The following TP73 variants were observed in gnomAD, a reference collection of about 807,000 sequenced individuals.
TP73 encodes tumor protein p73, also known as p53-like transcription factor.
In TP73, 25 loss-of-function variants were observed where a neutral mutation model predicts 62.5. That is an observed-to-expected ratio of 0.40 (90% confidence interval 0.29 to 0.56). The LOEUF is 0.56. TP73 is among the 20% of genes least tolerant of loss of function. The pLI is 0.46. For missense variants in TP73, 754 were observed against 913.3 expected (o/e 0.83, Z 2.25); for synonymous variants, 423 against 377.5 (o/e 1.12, Z -1.40).
At chr1:3,669,428 A>G (rs990350520) in intron 1 of TP73, among the ~76,000 whole-genome samples, 11 of 152,210 alleles carry the variant, frequency 7.2e-5, no homozygotes, top group Non-Finnish European at 1.6e-4. Flanking sequence ...TGACCCTAGG[A>G]TCGGGGGCAG....
intron 3 of TP73, among the ~76,000 whole-genome samples, chr1:3,689,785 G>A (rs896240763): frequency 6.6e-5 from 10 of 152,230 alleles, no homozygotes; most frequent in Non-Finnish European, 1.2e-4. Flanking sequence ...GCCCTCGTGA[G>A]AGCCACGGCG....
Position 3,674,989 on chromosome 1 carries a change from G to A in TP73, c.-33-7344G>A, listed in dbSNP as rs185632396. On this transcript the variant is annotated intron_variant, in intron 1 of 13. Coordinates refer to ENST00000378295, the MANE Select transcript of TP73 (RefSeq NM_005427.4). ...GAAAAGGGCACAAGGGGATTGAGAC[G>A]GTCTCCTCCCACAATGGCCCAGGTG... is the stretch of plus-strand genomic sequence containing the variant. Among the ~76,000 whole-genome samples the A allele has an allele frequency of 4.6e-5, 7 of 152,066 alleles. No individual in the cohort carries two copies. In the East Asian group the frequency reaches 7.8e-4, roughly 17 times the overall value.
At position 3,696,944 on chromosome 1, in the gene TP73, A is replaced by G. The variant is rs1570490420; in HGVS notation, c.187-10605A>G. On this transcript the variant is annotated intron_variant, in intron 3 of 13. Transcript: ENST00000378295. The surrounding 1 kb of genome is among the most constrained non-coding windows in gnomAD (Gnocchi z 4.1). ...TTCTGTCTCCTTTGTTCTGTCCCCC[A>G]TTGGACCTCCCCCCAGTCACCAGCC... Among the ~76,000 whole-genome samples, 2 of 151,668 alleles carry G rather than the reference A, an allele frequency of 1.3e-5. No homozygotes were observed. The highest frequency in any genetic ancestry group is 3.9e-4 in the East Asian group (2 of 5,116).
chr1:3,723,513 G>A, intron 6 of TP73, 44 bp downstream of exon 6: 5 of 1,298,858 alleles, frequency 3.8e-6, no homozygotes, highest in Non-Finnish European at 5.5e-6. Context: ...GCAGTCAGCT[G>A]TACGGGTCGG....
At chr1:3,674,435 G>A (rs1645314696) in intron 1 of TP73, among the ~76,000 whole-genome samples, 1 of 152,242 alleles carries the variant, frequency 6.6e-6, no homozygotes, top group Non-Finnish European at 1.5e-5. Context: ...GGGGAGTGGG[G>A]CAGCAGGCGT....
intron 3 of TP73, chr1:3,690,882 T>C: frequency 6.4e-7 from 1 of 1,568,250 alleles, no homozygotes; most frequent in Non-Finnish European, 8.6e-7. Flanking sequence ...TTCCCTGGCG[T>C]GTGCAGACCC....
In TP73 at chr1:3,682,399, G is replaced by T. The variant is rs755178747; in HGVS notation, c.34G>T (p.Gly12Cys). Residue 12 changes from glycine (G) to cysteine (C), a missense_variant, in exon 2 of 14, where the codon GGC becomes TGC. Transcript: ENST00000378295. ...GTCCACCGCCACCTCCCCTGATGGG[G>T]GCACCACGTTTGAGCACCTCTGGAG... is the stretch of plus-strand genomic sequence containing the variant. ...AQSTATSPDG[G>C]TTFEHLWSSL... 1.3e-6 allele frequency: 2 copies of T among 1,565,702 alleles called. No individual in the cohort carries two copies. The highest frequency in any genetic ancestry group is 2.3e-5 in the East Asian group (1 of 42,710).
At chr1:3,721,056 G>A (rs1641029124) in intron 4 of TP73, among the ~76,000 whole-genome samples, 1 of 152,238 alleles carries the variant, frequency 6.6e-6, no homozygotes, top group Non-Finnish European at 1.5e-5. Context: ...CCTTTGGGGA[G>A]AGAGCATGAG....
intron 3 of TP73, among the ~76,000 whole-genome samples, chr1:3,705,804 G>A (rs576146657): frequency 5.9e-5 from 9 of 152,226 alleles, no homozygotes; most frequent in African/African-American, 1.2e-4. Context: ...CTTGCCTGGC[G>A]TCCTTCTCCA....
At position 3,733,033 on chromosome 1, in the gene TP73, G is replaced by C; in HGVS notation, c.1865G>C (p.Arg622Pro). 1.3e-6 allele frequency: 2 copies of C among 1,547,630 alleles called. No homozygotes were observed. The highest frequency in any genetic ancestry group is 1.7e-6 in the Non-Finnish European group (2 of 1,151,114). Residue 622 changes from arginine (R) to proline (P), a missense_variant, in exon 14 of 14, where the codon CGC becomes CCC. Arg to Pro is a moderately radical substitution (Grantham distance 103). This residue lies in a region of TP73 where 458 missense variants were observed against 528.7 expected (regional missense o/e 0.87). Transcript: ENST00000378295. Reference sequence around the variant, plus strand: ...TTCGACCTGCCCGACTGCAAGGCCCGCAAGCAGCCCATCAAGGAGGAGTTC... The same window carrying C: ...TTCGACCTGCCCGACTGCAAGGCCCCCAAGCAGCCCATCAAGGAGGAGTTC... Reference protein sequence around the residue: ...FGFDLPDCKARKQPIKEEFTE... With the variant: ...FGFDLPDCKAPKQPIKEEFTE...
rs79016027 is a variant in TP73 at position 3,672,607 on chromosome 1, C to A, written c.-33-9726C>A. On this transcript the variant is annotated intron_variant, in intron 1 of 13. Transcript: ENST00000378295. This position sits in a 1 kb window ranked among gnomAD's most constrained non-coding sequence, Gnocchi z 5.3. ...CAGCCCTGGACCCCTCACCCCCTAT[C>A]CTTGGCAGTCGGTCCTCTGGGTCTT... Among the ~76,000 whole-genome samples the A allele has an allele frequency of 3.2e-4, 49 of 151,964 alleles. No individual in the cohort carries two copies. Among genetic ancestry groups the A allele is most frequent in the African/African-American group, 1.2e-3 (48 of 41,438 alleles).
At chr1:3,688,185 C>T (rs1390614880) in intron 3 of TP73, among the ~76,000 whole-genome samples, 1 of 152,122 alleles carries the variant, frequency 6.6e-6, no homozygotes, top group Non-Finnish European at 1.5e-5. Flanking sequence ...ACCCGTTACC[C>T]CCTCCCAGAG....
chr1:3,732,837 G>A lies in TP73; in HGVS notation c.1669G>A (p.Ala557Thr), dbSNP rs141383785. 54 of 1,611,748 alleles carry A rather than the reference G, an allele frequency of 3.4e-5. No homozygotes were observed. Among genetic ancestry groups the A allele is most frequent in the African/African-American group, 9.3e-5 (7 of 74,890 alleles). Residue 557 changes from alanine to threonine, a missense_variant, in exon 14 of 14, where the codon GCG becomes ACG. Physicochemically the swap from Ala to Thr is moderately conservative, Grantham distance 58. Transcript: ENST00000378295. The part of the protein sequence containing the change: ...DLKQGHDYST[A>T]QQLLRSSNAA... ...GAAGCAGGGCCACGACTACAGCACC[G>A]CGCAGCAGCTGCTCCGCTCTAGCAA...
chr1:3,670,436 G>A lies in TP73; in HGVS notation c.-33-11897G>A, dbSNP rs568816477. Among the ~76,000 whole-genome samples, 4 of 152,118 alleles carry A rather than the reference G, an allele frequency of 2.6e-5. No homozygotes were observed. Among genetic ancestry groups the A allele is most frequent in the East Asian group, 1.9e-4 (1 of 5,176 alleles). ...TCCCAGCACTCTGGGAGGCTGAGGC[G>A]GGTGGATCAACAGAGGTCAGGAGTT... is the stretch of plus-strand genomic sequence containing the variant. On this transcript the variant is annotated intron_variant, in intron 1 of 13. Transcript: ENST00000378295. This position sits in a 1 kb window ranked among gnomAD's most constrained non-coding sequence, Gnocchi z 5.9.
At position 3,683,056 on chromosome 1, in the gene TP73, C is replaced by T. The variant is rs1645562026; in HGVS notation, c.66-4C>T. 1 of 1,598,818 alleles carries T rather than the reference C, an allele frequency of 6.3e-7. No homozygotes were observed. The highest frequency in any genetic ancestry group is 1.3e-5 in the African/African-American group (1 of 74,794). On this transcript the variant is annotated splice_region_variant and splice_polypyrimidine_tract_variant and intron_variant, in intron 2 of 13. Coordinates refer to ENST00000378295, the MANE Select transcript of TP73 (RefSeq NM_005427.4). ...ACGCTTCTATTTTCCTCTCCCTGCC[C>T]CAGGGAACCAGACAGCACCTACTTC...
At chr1:3,655,677 T>C (rs1293114321) in intron 1 of TP73, among the ~76,000 whole-genome samples, 4 of 152,220 alleles carry the variant, frequency 2.6e-5, no homozygotes, top group Non-Finnish European at 5.9e-5. Flanking sequence ...GAGTGATCAC[T>C]TACTCCTACC....
chr1:3,697,627 G>A (rs912344219), intron 3 of TP73, among the ~76,000 whole-genome samples: 5 of 152,224 alleles, frequency 3.3e-5, no homozygotes, highest in African/African-American at 4.8e-5. Context: ...GTCGTGTCTC[G>A]TGCCGGCTGC....
intron 9 of TP73, 103 bp downstream of exon 9, chr1:3,728,320 A>T: frequency 8.3e-7 from 1 of 1,208,918 alleles, no homozygotes; most frequent in Non-Finnish European, 1.2e-6. Context: ...ACCATGGTGG[A>T]GGGGGCGGGA....
At chr1:3,707,524 T>A in intron 3 of TP73, 25 bp from the exon 4 acceptor site, 1 of 1,593,680 alleles carries the variant, frequency 6.3e-7, no homozygotes, top group Non-Finnish European at 8.6e-7. Flanking sequence ...TGTTTCCCCC[T>A]CCCTCCTCCC....
Sources: gnomAD v4.1 joint callset for allele counts (sites outside exome capture counted in the v4.1 genomes callset) on GRCh38, gnomAD v4.1.1 for gene constraint, gnomAD v4.1.1 regional missense constraint, Gnocchi (gnomAD v3.1) non-coding constraint, MANE v1.5 for transcripts, NCBI Gene and HGNC (gene_info 2026-07-23, HGNC 2026-07-21) for gene names.